RAMP1: variants seen among roughly 807,000 people sequenced by gnomAD.
RAMP1 encodes the protein receptor activity-modifying protein 1.
In RAMP1, 7 loss-of-function variants were observed where a neutral mutation model predicts 8.2. The observed-to-expected ratio is 0.85, with a 90% confidence interval of 0.49 to 1.60. The LOEUF is 1.60. Among genes scored for constraint, RAMP1 ranks in the 40% most tolerant of loss-of-function variants. The probability of loss-of-function intolerance (pLI) is 0.00; values close to 1 mark genes in which losing one functional copy is unlikely to be tolerated. For missense variants in RAMP1, 192 were observed against 202.4 expected, an observed-to-expected ratio of 0.95 and a Z score of 0.31; for synonymous variants, 92 against 84.7, an observed-to-expected ratio of 1.09 and a Z score of -0.47.
At chr2:237,891,800 A>G (rs188001926) in intron 2 of RAMP1, among the ~76,000 whole-genome samples, 43 of 152,290 alleles carry the variant, frequency 2.8e-4, no homozygotes, top group Admixed American at 6.5e-4. Flanking sequence ...GTAGTTGATA[A>G]TGAAGTATTT....
intron 1 of RAMP1, among the ~76,000 whole-genome samples, chr2:237,866,563 A>G (rs570265371): frequency 1.3e-5 from 2 of 152,002 alleles, no homozygotes; most frequent in Non-Finnish European, 2.9e-5. Flanking sequence ...CCCTTGAACA[A>G]CGCAGGGGTG....
At chr2:237,874,845 C>A (rs1014436019) in intron 1 of RAMP1, 3 of 415,076 alleles carry the variant, frequency 7.2e-6, no homozygotes, top group Non-Finnish European at 9.7e-6. Context: ...CTCCACCAGC[C>A]CTGAGTGAGG....
At chr2:237,882,904 A>G (rs939415914) in intron 2 of RAMP1, among the ~76,000 whole-genome samples, 1 of 152,054 alleles carries the variant, frequency 6.6e-6, no homozygotes, top group African/African-American at 2.4e-5. Flanking sequence ...AGGCAGCCAG[A>G]CAGCCAGGTG....
intron 2 of RAMP1, among the ~76,000 whole-genome samples, chr2:237,908,092 C>T (rs2062670222): frequency 6.6e-6 from 1 of 152,220 alleles, no homozygotes; most frequent in African/African-American, 2.4e-5. Flanking sequence ...GCCTTGTGCC[C>T]AGGGTTGGGA....
chr2:237,872,413 G>A (rs570326223), intron 1 of RAMP1, among the ~76,000 whole-genome samples: 12 of 152,294 alleles, frequency 7.9e-5, no homozygotes, highest in African/African-American at 2.6e-4. Flanking sequence ...GGACTCACGC[G>A]TGCCCAGTGA....
At position 237,875,691 on chromosome 2, in the gene RAMP1, C is replaced by T. The variant is rs575002169; in HGVS notation, c.53-1533C>T. 1.1e-3 allele frequency among the ~76,000 whole-genome samples: 163 copies of T among 152,290 alleles called. 1 individual carries two copies. The highest frequency in any genetic ancestry group is 2.0e-3 in the Non-Finnish European group (134 of 68,008). ...TTGGGACCCACTCATGGCCTCAGCCCCGTGCAGGGCTCAGCCTCTCTGGTC... is the reference window on the plus strand; with the variant it reads ...TTGGGACCCACTCATGGCCTCAGCCTCGTGCAGGGCTCAGCCTCTCTGGTC... On this transcript the variant is annotated intron_variant, in intron 1 of 2. Coordinates refer to ENST00000254661, the MANE Select transcript of RAMP1 (RefSeq NM_005855.4).
At chr2:237,867,999 C>A (rs1285126913) in intron 1 of RAMP1, among the ~76,000 whole-genome samples, 1 of 150,970 alleles carries the variant, frequency 6.6e-6, no homozygotes, top group African/African-American at 2.4e-5. Context: ...AATTGGCAAC[C>A]TTTTCAGTAT....
At chr2:237,903,579 CAG>C (rs1361616759) in intron 2 of RAMP1, among the ~76,000 whole-genome samples, 18 of 151,682 alleles carry the variant, frequency 1.2e-4, no homozygotes, top group Non-Finnish European at 1.5e-5. Flanking sequence ...AGTGCAGTGG[CAG>C]GAACATAGCT....
intron 2 of RAMP1, among the ~76,000 whole-genome samples, chr2:237,902,205 A>C (rs967270873): frequency 6.6e-6 from 1 of 151,688 alleles, no homozygotes; most frequent in Non-Finnish European, 1.5e-5. Context: ...AGGATGCCCC[A>C]CTGCCACCCG....
upstream of RAMP1, among the ~76,000 whole-genome samples, chr2:237,859,289 C>CGGA (rs911340644): frequency 1.3e-5 from 2 of 152,224 alleles, no homozygotes; most frequent in Non-Finnish European, 2.9e-5. Context: ...CCCAGAACCT[C>CGGA]GGAGGAGGAG....
chr2:237,884,913 G>A (rs1392721877), intron 2 of RAMP1, among the ~76,000 whole-genome samples: 1 of 152,230 alleles, frequency 6.6e-6, no homozygotes, highest in African/African-American at 2.4e-5. Context: ...CGGGGCTCCA[G>A]GCCCCAGGGA....
At chr2:237,903,433 T>C (rs185825830) in intron 2 of RAMP1, among the ~76,000 whole-genome samples, 51 of 152,338 alleles carry the variant, frequency 3.3e-4, no homozygotes, top group African/African-American at 1.2e-3. Flanking sequence ...CCAAATTGTG[T>C]TTCAGAAAAA....
At chr2:237,863,048 A>G (rs1036485803) in intron 1 of RAMP1, among the ~76,000 whole-genome samples, 1 of 152,164 alleles carries the variant, frequency 6.6e-6, no homozygotes, top group African/African-American at 2.4e-5. Context: ...TGTCCCTTGC[A>G]GGGACGGCAG....
At chr2:237,899,486 A>G (rs2062576905) in intron 2 of RAMP1, among the ~76,000 whole-genome samples, 1 of 152,252 alleles carries the variant, frequency 6.6e-6, no homozygotes, top group Non-Finnish European at 1.5e-5. Context: ...CTCAATGCGT[A>G]TTAAAATGAC....
chr2:237,888,097 A>G (rs2062452780), intron 2 of RAMP1, among the ~76,000 whole-genome samples: 1 of 152,078 alleles, frequency 6.6e-6, no homozygotes, highest in South Asian at 2.1e-4. Flanking sequence ...TGTGTCGCCC[A>G]GGCTGGAGTG....
chr2:237,859,923 GC>G (rs1393910578), intron 1 of RAMP1, 196 bp downstream of exon 1: 2 of 496,284 alleles, frequency 4.0e-6, no homozygotes, highest in African/African-American at 4.1e-5. Flanking sequence ...GAGGCGGAGG[GC>G]GCGGACCGGT....
chr2:237,886,195 C>T (rs561586921), intron 2 of RAMP1, among the ~76,000 whole-genome samples: 5 of 152,224 alleles, frequency 3.3e-5, no homozygotes, highest in South Asian at 2.1e-4. Flanking sequence ...GGGGATATGC[C>T]GGCCCTGCCC....
At position 237,877,144 on chromosome 2, in the gene RAMP1, G is replaced by A; in HGVS notation, c.53-80G>A. The A allele has an allele frequency of 6.3e-7, 1 of 1,592,852 alleles. No individual in the cohort carries two copies. Among genetic ancestry groups the A allele is most frequent in the South Asian group, 1.1e-5 (1 of 90,298 alleles). On this transcript the variant is annotated intron_variant, in intron 1 of 2. Transcript: ENST00000254661. This position sits in a 1 kb window ranked among gnomAD's most constrained non-coding sequence, Gnocchi z 4.4. Reference sequence around the variant, plus strand: ...GCCCCGTTCTCGTGGAGTCCGGGCTGCAGGGGCGCGCGGGCTGGCGGTGAT... The same window carrying A: ...GCCCCGTTCTCGTGGAGTCCGGGCTACAGGGGCGCGCGGGCTGGCGGTGAT...
rs546376693 is a variant in RAMP1, at chr2:237,876,372, G to T, written c.53-852G>T. Among the ~76,000 whole-genome samples, 25 of 152,318 alleles carry T rather than the reference G, an allele frequency of 1.6e-4. No homozygotes were observed. The East Asian group carries it at 4.3e-3, about 26-fold the overall frequency. Reference sequence around the variant, plus strand: ...GGTGCCCCCAGCGTCTCCCAGGGCAGCTCTGGCCTCCCAGTGCCAAGCTCC... The same window carrying T: ...GGTGCCCCCAGCGTCTCCCAGGGCATCTCTGGCCTCCCAGTGCCAAGCTCC... On this transcript the variant is annotated intron_variant, in intron 1 of 2. Transcript: ENST00000254661.
Sources: allele counts gnomAD v4.1 joint callset (sites outside exome capture counted in the v4.1 genomes callset), GRCh38; gene constraint gnomAD v4.1.1; non-coding constraint Gnocchi (gnomAD v3.1); transcripts MANE v1.5; gene names NCBI Gene and HGNC (gene_info 2026-07-23, HGNC 2026-07-21).